Variants in PROM1 observed in about 807,000 individuals in gnomAD.
The protein encoded by PROM1 is prominin-1.
Under a neutral mutation model 116.9 loss-of-function variants are expected in PROM1, and 105 were observed. That is an observed-to-expected ratio of 0.90 (90% CI 0.77 to 1.06). The LOEUF (loss-of-function observed/expected upper bound fraction) is 1.06. Among genes scored for constraint, PROM1 ranks in the 50% least tolerant of loss-of-function variants. The pLI is 0.00. For synonymous variants in PROM1, 393 were observed against 387.0 expected (o/e 1.02, Z -0.18); for missense variants, 1,122 against 1,045.2 (o/e 1.07, Z -1.01).
intron 5 of PROM1, among the ~76,000 whole-genome samples, chr4:16,026,962 G>GA (rs1731438071): frequency 6.6e-6 from 1 of 152,102 alleles, no homozygotes; most frequent in South Asian, 2.1e-4. Flanking sequence ...CCTCCAAACT[G>GA]AAAAGATCAG....
At chr4:16,066,266 G>A (rs1299404208) in intron 2 of PROM1, among the ~76,000 whole-genome samples, 2 of 152,186 alleles carry the variant, frequency 1.3e-5, no homozygotes, top group African/African-American at 4.8e-5. Context: ...ACCAAGACCT[G>A]AGATTAATTT....
At chr4:16,000,136 C>A (rs1723393710) in intron 14 of PROM1, among the ~76,000 whole-genome samples, 1 of 152,188 alleles carries the variant, frequency 6.6e-6, no homozygotes, top group Non-Finnish European at 1.5e-5. Context: ...GTGGGAGGAA[C>A]CTGGGAACTG....
intron 2 of PROM1, among the ~76,000 whole-genome samples, chr4:16,040,152 A>G (rs564275291): frequency 6.6e-6 from 1 of 152,300 alleles, no homozygotes; most frequent in African/African-American, 2.4e-5. Flanking sequence ...TTGATGCAAA[A>G]AAGTTCAGAT....
chr4:16,025,399 G>A (rs1730996544), intron 5 of PROM1, 87 bp from the exon 6 acceptor site: 2 of 1,517,338 alleles, frequency 1.3e-6, no homozygotes, highest in African/African-American at 2.8e-5. Context: ...GCAGGAGTCA[G>A]GGAGGAGCCC....
Position 15,974,568 on chromosome 4 carries a change from G to T in PROM1, c.2583-3486C>A, listed in dbSNP as rs185402002. Among the ~76,000 whole-genome samples, 5 of 152,312 alleles carry T rather than the reference G, an allele frequency of 3.3e-5. No individual in the cohort carries two copies. In the East Asian group the frequency reaches 9.6e-4, roughly 29 times the overall value. On this transcript the variant is annotated intron_variant, in intron 26 of 27. Coordinates refer to ENST00000447510, the MANE Select transcript of PROM1 (RefSeq NM_006017.3). ...ATGAAGCAATATTAGTTGTCAAACT[G>T]CTCCTCACTTGGTAAGTACTAGTGT...
chr4:16,021,732 G>A (rs1353504033), intron 8 of PROM1, among the ~76,000 whole-genome samples: 2 of 152,010 alleles, frequency 1.3e-5, no homozygotes, highest in African/African-American at 4.8e-5. Flanking sequence ...CACAACACCC[G>A]CCATCTTAAC....
chr4:16,037,172 T>C (rs1049349198), intron 3 of PROM1, among the ~76,000 whole-genome samples: 2 of 152,190 alleles, frequency 1.3e-5, no homozygotes, highest in African/African-American at 4.8e-5. Context: ...GCACTGCCCC[T>C]ACTCTCATTC....
intron 9 of PROM1, among the ~76,000 whole-genome samples, chr4:16,017,667 G>A (rs750858774): frequency 7.2e-5 from 11 of 152,042 alleles, no homozygotes; most frequent in Non-Finnish European, 1.2e-4. Context: ...CTAAAAATAC[G>A]AAAATTAGCC....
chr4:16,061,820 G>T (rs1018735595), intron 2 of PROM1, among the ~76,000 whole-genome samples: 3 of 151,854 alleles, frequency 2.0e-5, no homozygotes, highest in Admixed American at 6.6e-5. Flanking sequence ...GCTTCTGGTG[G>T]TTCCTTGAGT....
At chr4:15,999,615 C>G (rs998297328) in intron 14 of PROM1, among the ~76,000 whole-genome samples, 1 of 152,080 alleles carries the variant, frequency 6.6e-6, no homozygotes, top group African/African-American at 2.4e-5. Flanking sequence ...TTGAATGATT[C>G]GACACTCTAC....
At chr4:16,073,180 T>C (rs1048751225) in intron 2 of PROM1, among the ~76,000 whole-genome samples, 2 of 152,140 alleles carry the variant, frequency 1.3e-5, no homozygotes, top group South Asian at 2.1e-4. Context: ...CACTGGCCAG[T>C]TGCACGCTTT....
intron 2 of PROM1, among the ~76,000 whole-genome samples, chr4:16,045,132 G>A (rs775324772): frequency 2.9e-4 from 44 of 152,040 alleles, no homozygotes; most frequent in Non-Finnish European, 4.9e-4. Context: ...AAAGTGTCCC[G>A]TGCCATCTGT....
intron 26 of PROM1, chr4:15,971,353 G>A: frequency 4.9e-6 from 2 of 407,186 alleles, no homozygotes; most frequent in Non-Finnish European, 8.9e-6. Flanking sequence ...GGTTAAAAGT[G>A]TTAAGAGTCA....
intron 2 of PROM1, among the ~76,000 whole-genome samples, chr4:16,051,526 CCT>C (rs1004583150): frequency 8.5e-5 from 13 of 152,164 alleles, no homozygotes; most frequent in Non-Finnish European, 1.5e-5. Context: ...TGTGCCAAGC[CCT>C]CTCTGAGCAC....
chr4:16,033,393 A>C lies in PROM1; in HGVS notation c.420T>G (p.Gly140=), dbSNP rs1266906404. Residue 140 remains glycine (G), a synonymous_variant, in exon 5 of 28, where the codon GGT becomes GGG. Transcript: ENST00000447510. ...FCMCRCCNKC[G]GEMHQRQKEN... is the part of the protein sequence containing the mutation. ...CCTTCTGTCGCTGGTGCATTTCTCC[A>C]CCACATTTGTTACAGCAACGACACA... is the stretch of plus-strand genomic sequence containing the variant. 1.2e-6 allele frequency: 2 copies of C among 1,613,856 alleles called. No individual in the cohort carries two copies. Among genetic ancestry groups the C allele is most frequent in the Admixed American group, 3.3e-5 (2 of 60,010 alleles).
At chr4:16,043,564 C>A (rs1735818259) in intron 2 of PROM1, among the ~76,000 whole-genome samples, 1 of 152,220 alleles carries the variant, frequency 6.6e-6, no homozygotes. Context: ...CACAGTCCTC[C>A]AAGCGCAAGG....
intron 11 of PROM1, among the ~76,000 whole-genome samples, chr4:16,010,210 C>A (rs977844654): frequency 4.6e-5 from 7 of 152,126 alleles, no homozygotes; most frequent in African/African-American, 1.7e-4. Context: ...TGGAGAGTGT[C>A]CATCACAACA....
intron 13 of PROM1, 118 bp from the exon 14 acceptor site, chr4:16,000,737 G>A: frequency 2.3e-6 from 2 of 865,356 alleles, no homozygotes; most frequent in Non-Finnish European, 3.2e-6. Context: ...TGTTATTCAG[G>A]TGAAACAGAT....
chr4:16,025,423 C>T (rs1731009954), intron 5 of PROM1, 111 bp from the exon 6 acceptor site: 2 of 1,329,016 alleles, frequency 1.5e-6, no homozygotes, highest in East Asian at 2.4e-5. Flanking sequence ...GAAGGACTGG[C>T]CTTTCCTCTC....
Sources: allele counts gnomAD v4.1 joint callset (sites outside exome capture counted in the v4.1 genomes callset), GRCh38; gene constraint gnomAD v4.1.1; transcripts MANE v1.5; gene names NCBI Gene and HGNC (gene_info 2026-07-23, HGNC 2026-07-21).